The following PXN variants were observed in gnomAD, a reference collection of about 807,000 sequenced individuals.
The protein encoded by PXN is testicular tissue protein Li 134.
Under a neutral mutation model 103.6 loss-of-function variants are expected in PXN, and 61 were observed. The ratio of observed to expected loss-of-function variants is 0.59; its 90% CI spans 0.48 to 0.73. The LOEUF is 0.73. Ranked by LOEUF, PXN falls within the 30% of genes least tolerant of loss-of-function variation. The probability of loss-of-function intolerance (pLI) is 0.00; values close to 1 mark genes in which losing one functional copy is unlikely to be tolerated. For missense variants in PXN, 1,274 were observed against 1,460.3 expected, an observed-to-expected ratio of 0.87 and a Z score of 2.08; for synonymous variants, 562 against 607.8, an observed-to-expected ratio of 0.92 and a Z score of 1.11.
At position 120,214,656 on chromosome 12, in the gene PXN, C is replaced by G. The variant is rs139378461; in HGVS notation, c.2748+169G>C. Among the ~76,000 whole-genome samples, 5 of 152,280 alleles carry G rather than the reference C, an allele frequency of 3.3e-5. No individual in the cohort carries two copies. In the East Asian group the frequency reaches 9.7e-4, roughly 29 times the overall value. On this transcript the variant is annotated intron_variant, in intron 12 of 14. Coordinates refer to ENST00000637617, the MANE Select transcript of PXN (RefSeq NM_001385981.1). The surrounding 1 kb of genome is among the most constrained non-coding windows in gnomAD (Gnocchi z 5.0). ...TGGGGCTGCCCGATGCACATCGGGA[C>G]AGGCTGTGGTTCAGGTGTGGCTGTG...
intron 1 of PXN, among the ~76,000 whole-genome samples, chr12:120,239,297 AT>A (rs1889711937): frequency 6.6e-6 from 1 of 151,826 alleles, no homozygotes; most frequent in Non-Finnish European, 1.5e-5. Flanking sequence ...AAATACAAAA[AT>A]TTAGGCCAGG....
chr12:120,221,681 G>C lies in PXN; in HGVS notation c.773C>G (p.Ser258Trp). ...CAGCTCCCTGGTGGCAGAGGAGGCC[G>C]AGATGCGTGTCTGCTGTTGGGTGGA... is the stretch of plus-strand genomic sequence containing the variant. ...VTSTQQQTRI[S>W]ASSATRELDE... The change falls in exon 6 of 15, where the codon TCG (serine) becomes TGG (tryptophan). Residue 258 changes from serine (S) to tryptophan (W), a missense_variant. Transcript: ENST00000637617. The surrounding 1 kb of genome is among the most constrained non-coding windows in gnomAD (Gnocchi z 6.6). 1 of 1,565,894 alleles carries C rather than the reference G, an allele frequency of 6.4e-7. No individual in the cohort carries two copies. The highest frequency in any genetic ancestry group is 2.4e-5 in the East Asian group (1 of 42,054).
chr12:120,258,075 C>G (rs1301204026), intron 1 of PXN, among the ~76,000 whole-genome samples: 1 of 152,086 alleles, frequency 6.6e-6, no homozygotes, highest in Admixed American at 6.6e-5. Flanking sequence ...CGCCCATAAT[C>G]CTAGCTACTG....
In PXN at chr12:120,215,848, GGAA is replaced by G. The variant is rs1046406439; in HGVS notation, c.2302-190_2302-188del. 59 of 1,312,502 alleles carry G rather than the reference GGAA, an allele frequency of 4.5e-5. No individual in the cohort carries two copies. The African/African-American group carries it at 6.7e-4, about 15-fold the overall frequency. 81.3% of individuals were successfully genotyped at this position (1,312,502 alleles called of 1,614,324 possible). On this transcript the variant is annotated intron_variant, in intron 9 of 14. Coordinates refer to ENST00000637617, the MANE Select transcript of PXN (RefSeq NM_001385981.1). This position sits in a 1 kb window ranked among gnomAD's most constrained non-coding sequence, Gnocchi z 4.9. The stretch of plus-strand genomic sequence containing the variant: ...CCTGAGAGAGAGGCCTAGGGAGAAA[GGAA>G]GAAGGACAGGGAGGGGAGTCGACCA...
rs547432483 is a variant in PXN at position 120,220,149 on chromosome 12, C to T, written c.832-58G>A. ...GAGAGAGAGATGAGGGGAGTGAGGA[C>T]GGCTGCACCTTGCAGGCGGTGGGCT... On this transcript the variant is annotated intron_variant, in intron 6 of 14. Coordinates refer to ENST00000637617, the MANE Select transcript of PXN (RefSeq NM_001385981.1). The surrounding 1 kb of genome is among the most constrained non-coding windows in gnomAD (Gnocchi z 6.1). 5.6e-4 allele frequency: 393 copies of T among 703,874 alleles called. No homozygotes were observed. Among genetic ancestry groups the T allele is most frequent in the South Asian group, 2.9e-3 (135 of 46,258 alleles). The allele number at this position is 703,874 out of a possible 1,614,324, so 43.6% of individuals were successfully genotyped here. A position where few individuals can be genotyped will look rare whatever the true frequency, so the allele number is the denominator to read the frequency against.
chr12:120,236,633 C>T (rs193028190), intron 1 of PXN, among the ~76,000 whole-genome samples: 53 of 152,006 alleles, frequency 3.5e-4, no homozygotes, highest in African/African-American at 1.2e-3. Context: ...CCTGCCACCA[C>T]ACCCAGCTAA....
rs564686438 is a variant in PXN at position 120,220,100 on chromosome 12, G to A, written c.832-9C>T. 1.9e-6 allele frequency: 2 copies of A among 1,054,230 alleles called. No individual in the cohort carries two copies. The highest frequency in any genetic ancestry group is 2.6e-5 in the Admixed American group (1 of 37,874). The allele number at this position is 1,054,230 out of a possible 1,614,324, so 65.3% of individuals were successfully genotyped here. On this transcript the variant is annotated splice_polypyrimidine_tract_variant and intron_variant, in intron 6 of 14. Coordinates refer to ENST00000637617, the MANE Select transcript of PXN (RefSeq NM_001385981.1). This position sits in a 1 kb window ranked among gnomAD's most constrained non-coding sequence, Gnocchi z 6.1. ...ACAGTGGAGGAGCTGGTCTGGAGAA[G>A]AGAGAAATGCAGAGGGGAGAGGAGA...
rs573543593 is a variant in PXN at position 120,248,457 on chromosome 12, C to T, written c.13+17160G>A. 2.3e-4 allele frequency among the ~76,000 whole-genome samples: 34 copies of T among 151,072 alleles called. No homozygotes were observed. The South Asian group carries it at 4.8e-3, about 21-fold the overall frequency. Reference sequence around the variant, plus strand: ...GACTATGTTTCCTCAATTACTGCACCCCCAAGCACACCATATACAATCCAC... The same window carrying T: ...GACTATGTTTCCTCAATTACTGCACTCCCAAGCACACCATATACAATCCAC... On this transcript the variant is annotated intron_variant, in intron 1 of 14. Coordinates refer to ENST00000637617, the MANE Select transcript of PXN (RefSeq NM_001385981.1).
chr12:120,215,781 G>A lies in PXN; in HGVS notation c.2302-120C>T, dbSNP rs1882705949. On this transcript the variant is annotated intron_variant, in intron 9 of 14. Coordinates refer to ENST00000637617, the MANE Select transcript of PXN (RefSeq NM_001385981.1). The surrounding 1 kb of genome is among the most constrained non-coding windows in gnomAD (Gnocchi z 4.9). ...GAGATCTGAGGGTTTCTCCCCCACCGGCAGGACCAAAATTGGGGGAAAAAA... is the reference window on the plus strand; with the variant it reads ...GAGATCTGAGGGTTTCTCCCCCACCAGCAGGACCAAAATTGGGGGAAAAAA... 6 of 1,283,590 alleles carry A rather than the reference G, an allele frequency of 4.7e-6. No homozygotes were observed. Among genetic ancestry groups the A allele is most frequent in the African/African-American group, 4.6e-5 (3 of 65,262 alleles). The allele number at this position is 1,283,590 out of a possible 1,614,324, so 79.5% of individuals were successfully genotyped here. A position where few individuals can be genotyped will look rare whatever the true frequency, so the allele number is the denominator to read the frequency against.
At position 120,224,719 on chromosome 12, in the gene PXN, A is replaced by G. The variant is rs1281824424; in HGVS notation, c.14-342T>C. On this transcript the variant is annotated intron_variant, in intron 1 of 14. Coordinates refer to ENST00000637617, the MANE Select transcript of PXN (RefSeq NM_001385981.1). This position sits in a 1 kb window ranked among gnomAD's most constrained non-coding sequence, Gnocchi z 5.0. The stretch of plus-strand genomic sequence containing the variant: ...GCCGCGAGTGAAGTGCCTGTCTGGA[A>G]CTCTGAATCTGCAGGGCAACGCGGA... 3 of 549,410 alleles carry G rather than the reference A, an allele frequency of 5.5e-6. No individual in the cohort carries two copies. The African/African-American group carries it at 5.6e-5, about 10-fold the overall frequency. The allele number at this position is 549,410 out of a possible 1,614,324, so 34.0% of individuals were successfully genotyped here. A position where few individuals can be genotyped will look rare whatever the true frequency, so the allele number is the denominator to read the frequency against.
Position 120,228,362 on chromosome 12 carries a change from G to A in PXN, c.14-3985C>T, listed in dbSNP as rs1887319639. Among the ~76,000 whole-genome samples the A allele has an allele frequency of 6.6e-6, 1 of 152,210 alleles. No homozygotes were observed. On this transcript the variant is annotated intron_variant, in intron 1 of 14. Transcript: ENST00000637617. The surrounding 1 kb of genome is among the most constrained non-coding windows in gnomAD (Gnocchi z 4.7). ...AGGTTTTCTGTCTCTCTGGGCCAGCGGAAGTATGCAACATGAGGAGGTAGG... is the reference window on the plus strand; with the variant it reads ...AGGTTTTCTGTCTCTCTGGGCCAGCAGAAGTATGCAACATGAGGAGGTAGG...
At chr12:120,223,957 G>A in intron 2 of PXN, 124 bp from the exon 3 acceptor site, 2 of 874,290 alleles carry the variant, frequency 2.3e-6, no homozygotes, top group Non-Finnish European at 3.5e-6. Context: ...AATTTCCACA[G>A]TTGGGCCAGG....
intron 1 of PXN, chr12:120,247,531 T>A (rs747656303): frequency 6.3e-6 from 1 of 158,438 alleles, no homozygotes; most frequent in African/African-American, 2.4e-5. Flanking sequence ...ACATCAAATC[T>A]CTGGAGAAGG....
chr12:120,219,087 C>T lies in PXN; in HGVS notation c.1716+120G>A. On this transcript the variant is annotated intron_variant, in intron 7 of 14. Coordinates refer to ENST00000637617, the MANE Select transcript of PXN (RefSeq NM_001385981.1). This position sits in a 1 kb window ranked among gnomAD's most constrained non-coding sequence, Gnocchi z 6.5. ...ACTGTCAGGTCCGGCCACAGTGTCTCAGCATTTTCTGCCCAAGCAGACATG... is the reference window on the plus strand; with the variant it reads ...ACTGTCAGGTCCGGCCACAGTGTCTTAGCATTTTCTGCCCAAGCAGACATG... 1 of 1,137,582 alleles carries T rather than the reference C, an allele frequency of 8.8e-7. No homozygotes were observed. The highest frequency in any genetic ancestry group is 1.2e-6 in the Non-Finnish European group (1 of 831,606). 70.5% of individuals were successfully genotyped at this position (1,137,582 alleles called of 1,614,324 possible).
rs1884752766 is a variant in PXN at position 120,220,365 on chromosome 12, G to A, written c.832-274C>T. Among the ~76,000 whole-genome samples, 1 of 152,232 alleles carries A rather than the reference G, an allele frequency of 6.6e-6. No individual in the cohort carries two copies. The highest frequency in any genetic ancestry group is 1.9e-4 in the East Asian group (1 of 5,176). On this transcript the variant is annotated intron_variant, in intron 6 of 14. Coordinates refer to ENST00000637617, the MANE Select transcript of PXN (RefSeq NM_001385981.1). This position sits in a 1 kb window ranked among gnomAD's most constrained non-coding sequence, Gnocchi z 6.1. Reference sequence around the variant, plus strand: ...AGGGTATGAGAAAGAAAAGACCACGGTAAGGTGGACAAATGGGGAGCCAGG... The same window carrying A: ...AGGGTATGAGAAAGAAAAGACCACGATAAGGTGGACAAATGGGGAGCCAGG...
chr12:120,225,173 A>G lies in PXN; in HGVS notation c.14-796T>C, dbSNP rs540183612. On this transcript the variant is annotated intron_variant, in intron 1 of 14. Transcript: ENST00000637617. The surrounding 1 kb of genome is among the most constrained non-coding windows in gnomAD (Gnocchi z 4.4). ...ACCTGGCAGCCAACAGGGGGGCACT[A>G]GGTCTCCCCAGTCTCCAGAAAAGAA... 41 of 186,808 alleles carry G rather than the reference A, an allele frequency of 2.2e-4. 1 individual carries two copies. The South Asian group carries it at 3.6e-3, about 16-fold the overall frequency. 11.6% of individuals were successfully genotyped at this position (186,808 alleles called of 1,614,324 possible).
rs1177224729 is a variant in PXN, at chr12:120,224,697, G to A, written c.14-320C>T. 6.7e-6 allele frequency: 4 copies of A among 597,274 alleles called. No homozygotes were observed. The highest frequency in any genetic ancestry group is 1.3e-5 in the Non-Finnish European group (4 of 318,320). 37.0% of individuals were successfully genotyped at this position (597,274 alleles called of 1,614,324 possible). A position where few individuals can be genotyped will look rare whatever the true frequency, so the allele number is the denominator to read the frequency against. ...TCCCTCCTGACAGGGCCGCGCAGCCGCGAGTGAAGTGCCTGTCTGGAACTC... is the reference window on the plus strand; with the variant it reads ...TCCCTCCTGACAGGGCCGCGCAGCCACGAGTGAAGTGCCTGTCTGGAACTC... On this transcript the variant is annotated intron_variant, in intron 1 of 14. Transcript: ENST00000637617. This position sits in a 1 kb window ranked among gnomAD's most constrained non-coding sequence, Gnocchi z 5.0.
Position 120,213,232 on chromosome 12 carries a change from T to C in PXN, c.2979+610A>G, listed in dbSNP as rs1176804003. 6.5e-6 allele frequency: 1 copy of C among 152,678 alleles called. No individual in the cohort carries two copies. The highest frequency in any genetic ancestry group is 1.9e-4 in the East Asian group (1 of 5,190). 9.5% of individuals were successfully genotyped at this position (152,678 alleles called of 1,614,324 possible). The stretch of plus-strand genomic sequence containing the variant: ...CGTCTCTACTGAAAATACAAAAAAT[T>C]AGCCAGGCATGGGGGCGTGTGCCTG... On this transcript the variant is annotated intron_variant, in intron 14 of 14. Coordinates refer to ENST00000637617, the MANE Select transcript of PXN (RefSeq NM_001385981.1). The surrounding 1 kb of genome is among the most constrained non-coding windows in gnomAD (Gnocchi z 4.2).
At position 120,228,377 on chromosome 12, in the gene PXN, GA is replaced by G. The variant is rs1406854204; in HGVS notation, c.14-4001del. On this transcript the variant is annotated intron_variant, in intron 1 of 14. Coordinates refer to ENST00000637617, the MANE Select transcript of PXN (RefSeq NM_001385981.1). The surrounding 1 kb of genome is among the most constrained non-coding windows in gnomAD (Gnocchi z 4.7). ...CTGGGCCAGCGGAAGTATGCAACAT[GA>G]GGAGGTAGGCCAGGCTGTCTCGAGG... Among the ~76,000 whole-genome samples, 5 of 152,310 alleles carry G rather than the reference GA, an allele frequency of 3.3e-5. No homozygotes were observed. Among genetic ancestry groups the G allele is most frequent in the Admixed American group, 2.6e-4 (4 of 15,298 alleles).
Sources: allele counts gnomAD v4.1 joint callset (sites outside exome capture counted in the v4.1 genomes callset), GRCh38; gene constraint gnomAD v4.1.1; non-coding constraint Gnocchi (gnomAD v3.1); transcripts MANE v1.5; gene names NCBI Gene and HGNC (gene_info 2026-07-23, HGNC 2026-07-21).